NRXN3: variants seen among roughly 807,000 people sequenced by gnomAD.
NRXN3 encodes the protein neurexin 3.
NRXN3 carries 32 observed loss-of-function variants against 137.6 expected under a neutral mutation model. The ratio of observed to expected loss-of-function variants is 0.23; its 90% confidence interval spans 0.18 to 0.31. NRXN3 has a LOEUF of 0.31. NRXN3 is among the 10% of genes least tolerant of loss of function. NRXN3 has a pLI of 1.00. For missense variants in NRXN3, 1,574 were observed against 2,062.5 expected (o/e 0.76, Z 4.59); for synonymous variants, 798 against 784.5 (o/e 1.02, Z -0.29).
At chr14:79,066,671 G>A (rs952939262) in intron 15 of NRXN3, among the ~76,000 whole-genome samples, 1 of 151,746 alleles carries the variant, frequency 6.6e-6, no homozygotes, top group Admixed American at 6.6e-5. Flanking sequence ...TCCTTAAAGA[G>A]TTCCTTCACT....
intron 15 of NRXN3, among the ~76,000 whole-genome samples, chr14:79,359,375 A>G (rs897791263): frequency 4.6e-5 from 7 of 152,080 alleles, no homozygotes; most frequent in East Asian, 3.9e-4. Context: ...CCCTCTGGGT[A>G]CAGAATGTGG....
At chr14:79,642,553 C>T in intron 16 of NRXN3, among the ~76,000 whole-genome samples, 1 of 132,978 alleles carries the variant, frequency 7.5e-6, no homozygotes, top group Non-Finnish European at 1.7e-5. Context: ...TTTTTTAATT[C>T]AAGCCACTGA....
chr14:79,707,397 G>A (rs1603443788), intron 19 of NRXN3, among the ~76,000 whole-genome samples: 1 of 152,280 alleles, frequency 6.6e-6, no homozygotes, highest in East Asian at 1.9e-4. Flanking sequence ...CAGGCATCAG[G>A]AGACTTAGCT....
intron 4 of NRXN3, among the ~76,000 whole-genome samples, chr14:78,466,283 G>A (rs958982527): frequency 2.0e-5 from 3 of 152,176 alleles, no homozygotes; most frequent in Admixed American, 1.3e-4. Flanking sequence ...TCTGGTGAAA[G>A]AGACATTTTA....
chr14:78,525,475 C>A (rs904961554), intron 4 of NRXN3, among the ~76,000 whole-genome samples: 3 of 152,124 alleles, frequency 2.0e-5, no homozygotes, highest in Non-Finnish European at 4.4e-5. Context: ...ATTGGGGCAT[C>A]CTTCATTTAC....
At chr14:78,560,267 C>CTTT (rs1322253957) in intron 4 of NRXN3, among the ~76,000 whole-genome samples, 9 of 152,174 alleles carry the variant, frequency 5.9e-5, no homozygotes, top group African/African-American at 1.4e-4. Context: ...TTTGAACATA[C>CTTT]TGGATTTTTC....
At chr14:78,226,276 T>G (rs1378961696) in intron 1 of NRXN3, among the ~76,000 whole-genome samples, 1 of 152,186 alleles carries the variant, frequency 6.6e-6, no homozygotes, top group African/African-American at 2.4e-5. Context: ...GTGCTGGGAT[T>G]ACAGGCGTGA....
intron 10 of NRXN3, among the ~76,000 whole-genome samples, chr14:78,860,560 C>T (rs968185162): frequency 1.3e-5 from 2 of 151,950 alleles, no homozygotes; most frequent in Non-Finnish European, 2.9e-5. Flanking sequence ...AGAATTGTCA[C>T]TTTAGGTTAT....
chr14:78,702,924 A>G (rs1248128188), intron 6 of NRXN3, among the ~76,000 whole-genome samples: 2 of 152,146 alleles, frequency 1.3e-5, no homozygotes, highest in African/African-American at 2.4e-5. Flanking sequence ...TTACAGTCCT[A>G]TGTGGTAAGA....
At chr14:79,365,745 G>GAAAAAAAAAAAAAAAA (rs943211669) in intron 15 of NRXN3, among the ~76,000 whole-genome samples, 1 of 114,152 alleles carries the variant, frequency 8.8e-6, no homozygotes, top group Non-Finnish European at 1.8e-5. Context: ...AAAAAAAAAA[G>GAAAAAAAAAAAAAAAA]AAAAAAAAGA....
chr14:79,402,012 G>A (rs1178664775), intron 15 of NRXN3, among the ~76,000 whole-genome samples: 2 of 152,128 alleles, frequency 1.3e-5, no homozygotes, highest in Non-Finnish European at 2.9e-5. Flanking sequence ...GAATTCCCGG[G>A]TTTAAGCAGT....
chr14:79,331,076 C>T (rs1191659854), intron 15 of NRXN3, among the ~76,000 whole-genome samples: 1 of 152,140 alleles, frequency 6.6e-6, no homozygotes, highest in African/African-American at 2.4e-5. Flanking sequence ...TTTACAGATG[C>T]AGTCTAGGGA....
At chr14:79,729,222 T>C (rs1489751790) in intron 19 of NRXN3, among the ~76,000 whole-genome samples, 1 of 152,242 alleles carries the variant, frequency 6.6e-6, no homozygotes, top group Non-Finnish European at 1.5e-5. Context: ...CATTTATTTA[T>C]TTTATTTTTT....
intron 4 of NRXN3, among the ~76,000 whole-genome samples, chr14:78,304,266 A>G (rs1203358440): frequency 6.6e-6 from 1 of 152,214 alleles, no homozygotes; most frequent in Non-Finnish European, 1.5e-5. Flanking sequence ...ACACCAGAAT[A>G]AACGTGGGAA....
rs183693077 is a variant in NRXN3 at position 78,474,920 on chromosome 14, A to G, written c.758-170200A>G. On this transcript the variant is annotated intron_variant, in intron 4 of 20. Coordinates refer to ENST00000335750, the MANE Select transcript of NRXN3 (RefSeq NM_001330195.2). ...AGAAGAATCACCTGGAGAGTGTTTA[A>G]AAGTACAGATCTTTAGGTCTGCCTC... 5.9e-3 allele frequency among the ~76,000 whole-genome samples: 897 copies of G among 152,290 alleles called. 7 individuals are homozygous for G. Among genetic ancestry groups the G allele is most frequent in the Non-Finnish European group, 8.4e-3 (572 of 68,028 alleles).
chr14:79,838,305 T>A (rs2293833), intron 20 of NRXN3, among the ~76,000 whole-genome samples: 21,485 of 152,226 alleles, frequency 0.14, 1,622 homozygotes, highest in Middle Eastern at 0.19. Context: ...AACAAAACTG[T>A]TGAGCAGACA....
At position 79,611,010 on chromosome 14, in the gene NRXN3, G is replaced by T. The variant is rs181862177; in HGVS notation, c.3445-52768G>T. Among the ~76,000 whole-genome samples the T allele has an allele frequency of 2.6e-5, 4 of 152,300 alleles. No individual in the cohort carries two copies. In the East Asian group the frequency reaches 7.7e-4, roughly 29 times the overall value. ...GTTTTCTACTTGGGCATAGTCAGCT[G>T]CTAGTTTGTTGGATTGCTGCTGCTG... is the stretch of plus-strand genomic sequence containing the variant. On this transcript the variant is annotated intron_variant, in intron 16 of 20. Coordinates refer to ENST00000335750, the MANE Select transcript of NRXN3 (RefSeq NM_001330195.2).
chr14:79,075,141 G>T (rs1011747476), intron 15 of NRXN3, among the ~76,000 whole-genome samples: 4 of 152,098 alleles, frequency 2.6e-5, no homozygotes, highest in African/African-American at 9.7e-5. Flanking sequence ...TTCATTTGCC[G>T]TGTAATCTTT....
In NRXN3 at chr14:79,861,986, GC is replaced by G. The variant is rs2141967412; in HGVS notation, c.*23del. On this transcript the variant is annotated 3_prime_UTR_variant, in exon 21 of 21. Transcript: ENST00000335750. This position sits in a 1 kb window ranked among gnomAD's most constrained non-coding sequence, Gnocchi z 5.4. ...GTAAACATGCGAACACTGCTCACACGCGAGTTTTCACAGTTATTTCTATCCA... is the reference window on the plus strand; with the variant it reads ...GTAAACATGCGAACACTGCTCACACGGAGTTTTCACAGTTATTTCTATCCA... 6.4e-7 allele frequency: 1 copy of G among 1,570,524 alleles called. No individual in the cohort carries two copies. The highest frequency in any genetic ancestry group is 2.3e-5 in the East Asian group (1 of 44,248).
Sources: gnomAD v4.1 joint callset for allele counts (sites outside exome capture counted in the v4.1 genomes callset) on GRCh38, gnomAD v4.1.1 for gene constraint, Gnocchi (gnomAD v3.1) non-coding constraint, MANE v1.5 for transcripts, NCBI Gene and HGNC (gene_info 2026-07-23, HGNC 2026-07-21) for gene names.